The following MDFIC variants were observed in gnomAD, a reference collection of about 807,000 sequenced individuals.
MDFIC encodes MyoD family inhibitor domain containing.
A neutral mutation model predicts 23.2 loss-of-function variants in MDFIC; 17 were observed. That is an observed-to-expected ratio of 0.73 (90% CI 0.50 to 1.10). MDFIC has a LOEUF of 1.10. Ranked by LOEUF, MDFIC falls within the 50% of genes least tolerant of loss-of-function variation. The pLI is 0.00. For missense variants in MDFIC, 356 were observed against 316.6 expected, an observed-to-expected ratio of 1.12 and a Z score of -0.95; for synonymous variants, 120 against 115.2, an observed-to-expected ratio of 1.04 and a Z score of -0.27.
chr7:114,958,437 G>A lies in MDFIC; in HGVS notation c.217+16040G>A, dbSNP rs143490748. 3.0e-4 allele frequency among the ~76,000 whole-genome samples: 45 copies of A among 152,238 alleles called. No individual in the cohort carries two copies. In the East Asian group the frequency reaches 6.6e-3, roughly 22 times the overall value. The stretch of plus-strand genomic sequence containing the variant: ...TCTGAAATTGATGAAGGTTATCACC[G>A]TTACCTTAAATATGTTTGAAACTAT... On this transcript the variant is annotated intron_variant, in intron 3 of 4. Transcript: ENST00000393486.
intron 2 of MDFIC, among the ~76,000 whole-genome samples, chr7:114,942,057 C>A (rs927637280): frequency 9.9e-5 from 15 of 152,130 alleles, no homozygotes; most frequent in African/African-American, 3.1e-4. Flanking sequence ...ATTATTTTTA[C>A]CATGAACATC....
chr7:114,928,613 C>T (rs144379592), intron 2 of MDFIC, among the ~76,000 whole-genome samples: 20 of 152,186 alleles, frequency 1.3e-4, no homozygotes, highest in African/African-American at 2.9e-4. Flanking sequence ...TATGAAGGGT[C>T]GGAGAACAAG....
intron 4 of MDFIC, among the ~76,000 whole-genome samples, chr7:114,993,220 T>C (rs4014236): frequency 2.6e-5 from 4 of 152,242 alleles, no homozygotes; most frequent in African/African-American, 4.8e-5. Context: ...TTTTTTATTG[T>C]GTCTATTTGA....
At chr7:114,986,294 C>A (rs12111996) in intron 4 of MDFIC, among the ~76,000 whole-genome samples, 70,192 of 151,694 alleles carry the variant, frequency 0.46, 16,657 homozygotes, top group African/African-American at 0.54. Flanking sequence ...TTTTCTCTTG[C>A]ATTTATAACT....
At chr7:114,992,612 G>A (rs929271193) in intron 4 of MDFIC, among the ~76,000 whole-genome samples, 21 of 152,070 alleles carry the variant, frequency 1.4e-4, no homozygotes, top group African/African-American at 4.8e-4. Flanking sequence ...ATAATCATGT[G>A]GTTTTTGTCT....
At chr7:114,992,387 T>C (rs1434915381) in intron 4 of MDFIC, among the ~76,000 whole-genome samples, 2 of 149,172 alleles carry the variant, frequency 1.3e-5, no homozygotes, top group Non-Finnish European at 3.0e-5. Context: ...CAACACTATG[T>C]TGAATAGGAG....
intron 3 of MDFIC, among the ~76,000 whole-genome samples, chr7:114,945,719 T>C (rs1255592724): frequency 6.6e-6 from 1 of 152,192 alleles, no homozygotes; most frequent in Non-Finnish European, 1.5e-5. Flanking sequence ...AAAAAGACAA[T>C]TCCAACCACT....
At chr7:114,973,789 A>G (rs1793254857) in intron 3 of MDFIC, among the ~76,000 whole-genome samples, 1 of 152,192 alleles carries the variant, frequency 6.6e-6, no homozygotes, top group Non-Finnish European at 1.5e-5. Flanking sequence ...GATGTGATAT[A>G]ATCATAAAAC....
chr7:114,958,601 A>G (rs2115850900), intron 3 of MDFIC, among the ~76,000 whole-genome samples: 1 of 152,230 alleles, frequency 6.6e-6, no homozygotes, highest in Middle Eastern at 3.4e-3. Flanking sequence ...TAATACAAAA[A>G]TTAGCCGGGC....
At chr7:114,983,836 G>A (rs892243315) in intron 4 of MDFIC, among the ~76,000 whole-genome samples, 1 of 151,984 alleles carries the variant, frequency 6.6e-6, no homozygotes, top group African/African-American at 2.4e-5. Context: ...ATCCCCATCA[G>A]GTACTTTTTA....
At chr7:114,944,931 G>C (rs921142339) in intron 3 of MDFIC, among the ~76,000 whole-genome samples, 1 of 152,146 alleles carries the variant, frequency 6.6e-6, no homozygotes, top group African/African-American at 2.4e-5. Flanking sequence ...ATTGATGTTA[G>C]TGTTCCCACT....
intron 4 of MDFIC, among the ~76,000 whole-genome samples, chr7:115,001,562 G>A (rs1420100519): frequency 2.6e-5 from 4 of 152,168 alleles, no homozygotes; most frequent in Admixed American, 6.5e-5. Flanking sequence ...TCTGTGGAGT[G>A]ACAGGAGAAG....
At chr7:114,961,816 C>T (rs1022277475) in intron 3 of MDFIC, among the ~76,000 whole-genome samples, 9 of 152,190 alleles carry the variant, frequency 5.9e-5, no homozygotes, top group African/African-American at 1.9e-4. Context: ...CTATCACCTC[C>T]CATTAGACCC....
intron 3 of MDFIC, among the ~76,000 whole-genome samples, chr7:114,973,634 A>C (rs1793251813): frequency 6.6e-6 from 1 of 152,180 alleles, no homozygotes; most frequent in South Asian, 2.1e-4. Flanking sequence ...GTTCTTAATG[A>C]AATGCAGAAA....
At chr7:114,927,402 G>A (rs2115683203) in intron 2 of MDFIC, among the ~76,000 whole-genome samples, 1 of 141,400 alleles carries the variant, frequency 7.1e-6, no homozygotes, top group Admixed American at 7.2e-5. Context: ...AATTTAAATT[G>A]TTATCACTCC....
At position 115,017,535 on chromosome 7, in the gene MDFIC, T is replaced by C. The variant is rs1026022464; in HGVS notation, c.*1600T>C. 1 of 152,292 alleles carries C rather than the reference T, an allele frequency of 6.6e-6. No individual in the cohort carries two copies. Among genetic ancestry groups the C allele is most frequent in the Admixed American group, 6.6e-5 (1 of 15,224 alleles). 9.4% of individuals were successfully genotyped at this position (152,292 alleles called of 1,614,324 possible). A position where few individuals can be genotyped will look rare whatever the true frequency, so the allele number is the denominator to read the frequency against. On this transcript the variant is annotated 3_prime_UTR_variant, in exon 5 of 5. Coordinates refer to ENST00000393486, the MANE Select transcript of MDFIC (RefSeq NM_001166345.3). ...ATGCAGAAGAAATCTAGATATCCCC[T>C]ACTGTGACCAAATTTCTGTATTACG...
At chr7:114,997,576 GA>G (rs60307474) in intron 4 of MDFIC, among the ~76,000 whole-genome samples, 74,023 of 141,502 alleles carry the variant, frequency 0.52, 19,164 homozygotes, top group South Asian at 0.6. Flanking sequence ...ATCTCTACAG[GA>G]AAAAAAAAAA....
chr7:114,996,724 A>G (rs1356769501), intron 4 of MDFIC, among the ~76,000 whole-genome samples: 1 of 152,182 alleles, frequency 6.6e-6, no homozygotes, highest in Non-Finnish European at 1.5e-5. Flanking sequence ...ATAAAATACA[A>G]ATCAGCGATT....
chr7:114,974,584 T>A (rs2594451), intron 3 of MDFIC, among the ~76,000 whole-genome samples: 150,003 of 152,246 alleles, frequency 0.99, 73,937 homozygotes, highest in East Asian at 1. Flanking sequence ...TTGTGTAAAG[T>A]GACCAGTGGC....
Sources: allele counts gnomAD v4.1 joint callset (sites outside exome capture counted in the v4.1 genomes callset), GRCh38; gene constraint gnomAD v4.1.1; transcripts MANE v1.5; gene names NCBI Gene and HGNC (gene_info 2026-07-23, HGNC 2026-07-21).